The following PCDHA3 variants were observed in gnomAD, a reference collection of about 807,000 sequenced individuals.
PCDHA3 encodes protocadherin alpha 3.
PCDHA3 carries 41 observed loss-of-function variants against 62.2 expected under a neutral mutation model. The ratio of observed to expected loss-of-function variants is 0.66; its 90% CI spans 0.51 to 0.86. PCDHA3 has a LOEUF of 0.86. PCDHA3 is among the 40% of genes least tolerant of loss of function. PCDHA3 has a pLI of 0.00. For missense variants in PCDHA3, 1,304 were observed against 1,241.2 expected, an observed-to-expected ratio of 1.05 and a Z score of -0.76; for synonymous variants, 640 against 555.4, an observed-to-expected ratio of 1.15 and a Z score of -2.14.
intron 1 of PCDHA3, chr5:140,828,576 T>G: frequency 1.2e-6 from 2 of 1,614,230 alleles, no homozygotes; most frequent in Non-Finnish European, 1.7e-6. Flanking sequence ...GATGCAGATG[T>G]TGGCTCAAAT....
chr5:140,882,935 ACTGGCACAGTTCAG>A (rs2153388631), intron 1 of PCDHA3: 1 of 1,614,238 alleles, frequency 6.2e-7, no homozygotes, highest in East Asian at 2.2e-5. Flanking sequence ...ACCCGAGCTG[ACTGGCACAGTTCAG>A]CTGCTCATCA....
chr5:140,921,715 G>A (rs1313930887), intron 1 of PCDHA3, among the ~76,000 whole-genome samples: 9 of 152,080 alleles, frequency 5.9e-5, no homozygotes, highest in African/African-American at 1.7e-4. Flanking sequence ...GTAAACACAC[G>A]AATTACTCCC....
At chr5:140,914,695 A>T (rs970720014) in intron 1 of PCDHA3, among the ~76,000 whole-genome samples, 1 of 151,978 alleles carries the variant, frequency 6.6e-6, no homozygotes, top group African/African-American at 2.4e-5. Context: ...CTCTGGTGGT[A>T]TGATTTAATT....
intron 1 of PCDHA3, chr5:140,927,637 G>C (rs1554204838): frequency 6.2e-7 from 1 of 1,614,176 alleles, no homozygotes; most frequent in Non-Finnish European, 8.5e-7. Flanking sequence ...TGCACCCAAT[G>C]GGACTGTGTT....
intron 1 of PCDHA3, among the ~76,000 whole-genome samples, chr5:140,899,251 G>T (rs1322090098): frequency 2.6e-5 from 4 of 152,082 alleles, no homozygotes; most frequent in African/African-American, 9.7e-5. Flanking sequence ...GTGAGAGAGG[G>T]CATCCCTGTC....
At chr5:140,811,875 G>A (rs2126632591) in intron 1 of PCDHA3, 88,460 of 151,964 alleles carry the variant, frequency 0.58, 26,461 homozygotes, top group African/African-American at 0.72. Flanking sequence ...AATGTGTTTA[G>A]GTTCTTTGTA....
At chr5:140,828,611 T>G in intron 1 of PCDHA3, 1 of 1,614,202 alleles carries the variant, frequency 6.2e-7, no homozygotes, top group Non-Finnish European at 8.5e-7. Flanking sequence ...TAAACTCAGT[T>G]CTAGCGAATA....
At chr5:140,862,736 T>C in intron 1 of PCDHA3, 1 of 575,338 alleles carries the variant, frequency 1.7e-6, no homozygotes, top group South Asian at 1.4e-5. Flanking sequence ...TCTAGCTATG[T>C]GTGGGTGCAC....
At chr5:140,909,574 T>G (rs1363183074) in intron 1 of PCDHA3, among the ~76,000 whole-genome samples, 1 of 152,134 alleles carries the variant, frequency 6.6e-6, no homozygotes, top group Non-Finnish European at 1.5e-5. Flanking sequence ...TCCAGAGATG[T>G]GATATGTTTT....
At chr5:140,926,771 A>G in intron 1 of PCDHA3, 3 of 1,372,492 alleles carry the variant, frequency 2.2e-6, no homozygotes, top group Admixed American at 3.2e-5. Context: ...TCCAGCCCGC[A>G]GCAGTGACGG....
chr5:140,870,009 G>T, intron 1 of PCDHA3: 2 of 1,613,488 alleles, frequency 1.2e-6, no homozygotes, highest in Non-Finnish European at 1.7e-6. Flanking sequence ...GAGAAGTGAG[G>T]GTCAATGGAA....
At chr5:140,929,592 C>A in intron 1 of PCDHA3, 1 of 424,552 alleles carries the variant, frequency 2.4e-6, no homozygotes, top group Non-Finnish European at 4.2e-6. Flanking sequence ...ACATAAAGGT[C>A]TAAAATTAAA....
chr5:140,997,324 T>C (rs1447294871), intron 3 of PCDHA3, among the ~76,000 whole-genome samples: 1 of 152,202 alleles, frequency 6.6e-6, no homozygotes, highest in Non-Finnish European at 1.5e-5. Context: ...TAGGCAGTTT[T>C]TTCGTTGTAC....
Position 140,843,466 on chromosome 5 carries a change from G to T in PCDHA3, c.2394+39875G>T. ...TATCCAGCCTGCTGGTGCTCACGCT[G>T]CTGCTGTACACTGCGCTGCGGTGCT... On this transcript the variant is annotated intron_variant, in intron 1 of 3. Coordinates refer to ENST00000522353, the MANE Select transcript of PCDHA3 (RefSeq NM_018906.3). 2 of 1,596,074 alleles carry T rather than the reference G, an allele frequency of 1.3e-6. 1 individual carries two copies.
chr5:140,978,150 C>T (rs1009630892), intron 1 of PCDHA3, among the ~76,000 whole-genome samples: 2 of 152,286 alleles, frequency 1.3e-5, no homozygotes, highest in South Asian at 4.2e-4. Context: ...TTGTTCTCCC[C>T]CTTCAGACTG....
chr5:140,926,068 G>A (rs2082901302), intron 1 of PCDHA3, among the ~76,000 whole-genome samples: 1 of 152,168 alleles, frequency 6.6e-6, no homozygotes, highest in African/African-American at 2.4e-5. Context: ...CCTCCTTGTC[G>A]TCTCTATTGC....
At position 140,821,623 on chromosome 5, in the gene PCDHA3, T is replaced by C. The variant is rs1360154097; in HGVS notation, c.2394+18032T>C. On this transcript the variant is annotated intron_variant, in intron 1 of 3. Transcript: ENST00000522353. ...AGGAATACAGTGAGTAGATTTTCCT[T>C]AGACAGAAAGGAAAAGAACCTTCCA... The C allele has an allele frequency of 5.5e-6, 5 of 902,228 alleles. No individual in the cohort carries two copies. In the East Asian group the frequency reaches 1.3e-4, roughly 24 times the overall value. The allele number at this position is 902,228 out of a possible 1,614,324, so 55.9% of individuals were successfully genotyped here.
rs1028376160 is a variant in PCDHA3 at position 140,924,281 on chromosome 5, C to T, written c.2395-54668C>T. Among the ~76,000 whole-genome samples the T allele has an allele frequency of 2.6e-5, 4 of 152,170 alleles. No individual in the cohort carries two copies. The East Asian group carries it at 7.7e-4, about 29-fold the overall frequency. ...TAATGAGGTCTGTACTTGTGACTAC[C>T]TAATAGGCTGACATGTTTCCTCCTT... is the stretch of plus-strand genomic sequence containing the variant. On this transcript the variant is annotated intron_variant, in intron 1 of 3. Coordinates refer to ENST00000522353, the MANE Select transcript of PCDHA3 (RefSeq NM_018906.3).
intron 3 of PCDHA3, among the ~76,000 whole-genome samples, chr5:140,983,623 GA>G (rs1554245569): frequency 6.6e-6 from 1 of 152,202 alleles, no homozygotes; most frequent in African/African-American, 2.4e-5. Flanking sequence ...GAGAGATTAA[GA>G]AATGTACCCA....
Sources: allele counts gnomAD v4.1 joint callset (sites outside exome capture counted in the v4.1 genomes callset), GRCh38; gene constraint gnomAD v4.1.1; transcripts MANE v1.5; gene names NCBI Gene and HGNC (gene_info 2026-07-23, HGNC 2026-07-21).